The following NCAPG2 variants were observed in gnomAD, a reference collection of about 807,000 sequenced individuals.
The protein encoded by NCAPG2 is condensin-2 complex subunit G2.
A neutral mutation model predicts 141.1 loss-of-function variants in NCAPG2; 53 were observed. That is an observed-to-expected ratio of 0.38 (90% CI 0.30 to 0.47). NCAPG2 has a LOEUF of 0.47. NCAPG2 is among the 20% of genes least tolerant of loss of function. NCAPG2 has a pLI of 0.99. For missense variants in NCAPG2, 1,087 were observed against 1,389.0 expected, an observed-to-expected ratio of 0.78 and a Z score of 3.46; for synonymous variants, 499 against 490.7, an observed-to-expected ratio of 1.02 and a Z score of -0.22.
chr7:158,662,471 TC>T, intron 15 of NCAPG2, 104 bp from the exon 16 acceptor site: 1 of 1,032,182 alleles, frequency 9.7e-7, no homozygotes, highest in Non-Finnish European at 1.3e-6. Context: ...GTAGAGAACA[TC>T]CGTCTTACTT....
At chr7:158,640,469 G>T (rs1053283579) in intron 27 of NCAPG2, 7 of 152,202 alleles carry the variant, frequency 4.6e-5, no homozygotes, top group African/African-American at 1.7e-4. Flanking sequence ...GGAGGCAGAG[G>T]TTGCAGTGAA....
chr7:158,686,382 G>C, intron 7 of NCAPG2, 141 bp from the exon 8 acceptor site: 1 of 496,306 alleles, frequency 2.0e-6, no homozygotes, highest in Non-Finnish European at 3.6e-6. Flanking sequence ...ATAGAAATAG[G>C]TTATCTACCT....
chr7:158,654,680 C>T lies in NCAPG2; in HGVS notation c.2661G>A (p.Val887=), dbSNP rs779612720. 9.9e-6 allele frequency: 16 copies of T among 1,613,894 alleles called. No individual in the cohort carries two copies. The South Asian group carries it at 1.8e-4, about 18-fold the overall frequency. Residue 887 remains valine, a synonymous_variant, in exon 22 of 28, where the codon GTG becomes GTA. Coordinates refer to ENST00000356309, the MANE Select transcript of NCAPG2 (RefSeq NM_017760.7). Reference sequence around the variant, plus strand: ...GGCCTACCATAACAACATCTTTACACACAGTCAGGTAGGTCTGTAAGAGAC... The same window carrying T: ...GGCCTACCATAACAACATCTTTACATACAGTCAGGTAGGTCTGTAAGAGAC... ...YQQIIQTYLT[V]CKDVVMVGLG... is the part of the protein sequence containing the mutation.
In NCAPG2 at chr7:158,648,547, G is replaced by GCAAATGGACGACAACCACGC. The variant is rs1563504144; in HGVS notation, c.3076-2004_3076-1985dup. Among the ~76,000 whole-genome samples, 62 of 108,970 alleles carry GCAAATGGACGACAACCACGC rather than the reference G, an allele frequency of 5.7e-4. 1 individual carries two copies. Among genetic ancestry groups the GCAAATGGACGACAACCACGC allele is most frequent in the Admixed American group, 7.2e-4 (8 of 11,174 alleles). The allele number at this position is 108,970 out of a possible 152,430, so 71.5% of individuals were successfully genotyped here. ...CCACGCCAAATGGACGACAACCACG[G>GCAAATGGACGACAACCACGC]CAAATGGACGACAACCACGCCAAAT... On this transcript the variant is annotated intron_variant, in intron 24 of 27. Coordinates refer to ENST00000356309, the MANE Select transcript of NCAPG2 (RefSeq NM_017760.7).
At chr7:158,699,077 C>T (rs1480102800) in intron 2 of NCAPG2, among the ~76,000 whole-genome samples, 1 of 152,144 alleles carries the variant, frequency 6.6e-6, no homozygotes, top group African/African-American at 2.4e-5. Flanking sequence ...AGTCACTGTG[C>T]CCAGCCTCCA....
At chr7:158,650,787 G>A in intron 24 of NCAPG2, 45 bp downstream of exon 24, 2 of 1,563,046 alleles carry the variant, frequency 1.3e-6, no homozygotes, top group South Asian at 1.2e-5. Context: ...ACCATCTTGT[G>A]TCATCAATAA....
chr7:158,669,575 C>A (rs1833536580), intron 13 of NCAPG2, among the ~76,000 whole-genome samples: 1 of 151,460 alleles, frequency 6.6e-6, no homozygotes, highest in South Asian at 2.1e-4. Context: ...CCAGCCTGGC[C>A]AACATGGTGA....
In NCAPG2 at chr7:158,689,896, C is replaced by T. The variant is rs761563823; in HGVS notation, c.595G>A (p.Asp199Asn). The T allele has an allele frequency of 1.2e-6, 2 of 1,607,206 alleles. No homozygotes were observed. Among genetic ancestry groups the T allele is most frequent in the Non-Finnish European group, 1.7e-6 (2 of 1,176,532 alleles). ...TTAATTTCTCCACTTTCCTCCAAATCATAATCAAAGCAATATAAAGCTTGA... is the reference window on the plus strand; with the variant it reads ...TTAATTTCTCCACTTTCCTCCAAATTATAATCAAAGCAATATAAAGCTTGA... ...IHQALYCFDY[D>N]LEESGEIKDM... The change falls in exon 6 of 28, where the codon GAT (aspartate) becomes AAT (asparagine). Residue 199 changes from aspartate to asparagine, a missense_variant. Asp to Asn is a conservative substitution (Grantham distance 23). Coordinates refer to ENST00000356309, the MANE Select transcript of NCAPG2 (RefSeq NM_017760.7).
Position 158,656,347 on chromosome 7 carries a change from C to G in NCAPG2, c.2301G>C (p.Leu767=), listed in dbSNP as rs780008392. ...ACTCGCGGTTCTTTGGATGAGTCAG[C>G]AGATACTCAATGTAGACCAATGCCA... ...PELALVYIEY[L]LTHPKNRECL... The change falls in exon 19 of 28, where the codon CTG becomes CTC. Residue 767 remains leucine, a synonymous_variant. Coordinates refer to ENST00000356309, the MANE Select transcript of NCAPG2 (RefSeq NM_017760.7). 5 of 1,614,166 alleles carry G rather than the reference C, an allele frequency of 3.1e-6. No individual in the cohort carries two copies. In the South Asian group the frequency reaches 5.5e-5, roughly 18 times the overall value.
At chr7:158,691,685 G>A (rs1835126468) in intron 4 of NCAPG2, among the ~76,000 whole-genome samples, 1 of 152,034 alleles carries the variant, frequency 6.6e-6, no homozygotes, top group Admixed American at 6.5e-5. Context: ...CATTAACTTA[G>A]ACTAAATTAA....
chr7:158,666,358 C>A (rs933187520), intron 13 of NCAPG2, among the ~76,000 whole-genome samples: 1 of 152,064 alleles, frequency 6.6e-6, no homozygotes, highest in Non-Finnish European at 1.5e-5. Flanking sequence ...ACTGCACCAG[C>A]GGGCCTGCAG....
chr7:158,690,519 G>A (rs759884936), intron 5 of NCAPG2, 49 bp downstream of exon 5: 1 of 1,559,670 alleles, frequency 6.4e-7, no homozygotes, highest in South Asian at 1.1e-5. Context: ...CACTCCATCT[G>A]GGCAATAGAG....
intron 27 of NCAPG2, among the ~76,000 whole-genome samples, chr7:158,635,425 G>A (rs1267153195): frequency 6.6e-6 from 1 of 152,080 alleles, no homozygotes; most frequent in Non-Finnish European, 1.5e-5. Flanking sequence ...TGCAAGTAGA[G>A]GCACAATTAA....
At chr7:158,669,121 T>G (rs1037460653) in intron 13 of NCAPG2, among the ~76,000 whole-genome samples, 140 of 152,362 alleles carry the variant, frequency 9.2e-4, no homozygotes, top group African/African-American at 3.3e-3. Context: ...TATGGCGGCA[T>G]AGTATTCCAT....
chr7:158,690,883 A>G (rs1292483773), intron 4 of NCAPG2, among the ~76,000 whole-genome samples, 161 bp from the exon 5 acceptor site: 3 of 152,264 alleles, frequency 2.0e-5, no homozygotes, highest in Non-Finnish European at 2.9e-5. Context: ...CATTAGTTAT[A>G]AAATGCAAAT....
chr7:158,672,282 GTGTGTGTGTGTATA>G (rs1172828803), intron 12 of NCAPG2, among the ~76,000 whole-genome samples: 2 of 21,062 alleles, frequency 9.5e-5, no homozygotes, highest in African/African-American at 4.2e-4. Flanking sequence ...AAACACATGT[GTGTGTGTGTGTATA>G]TATATATATA....
intron 1 of NCAPG2, chr7:158,702,172 A>C (rs1835841779): frequency 3.1e-6 from 1 of 320,002 alleles, no homozygotes. Flanking sequence ...AACAATTGTT[A>C]ATAAAATTAC....
At chr7:158,667,523 CCTTACCTACCCTGTGGCCCTCCACCCG>C (rs1264620592) in intron 13 of NCAPG2, among the ~76,000 whole-genome samples, 1,110 of 55,576 alleles carry the variant, frequency 0.02, 130 homozygotes, top group Middle Eastern at 0.034. Context: ...CCTCCGCCCT[CCTTACCTACCCTGTGGCCCTCCACCCG>C]CTTACCCACT....
chr7:158,696,341 A>C (rs1323569355), intron 2 of NCAPG2: 1 of 152,244 alleles, frequency 6.6e-6, no homozygotes, highest in African/African-American at 2.4e-5. Context: ...CACTTCCTCA[A>C]TATTCCGTCC....
Sources: gnomAD v4.1 joint callset for allele counts (sites outside exome capture counted in the v4.1 genomes callset) on GRCh38, gnomAD v4.1.1 for gene constraint, MANE v1.5 for transcripts, NCBI Gene and HGNC (gene_info 2026-07-23, HGNC 2026-07-21) for gene names.